ATP8A1: variants seen among roughly 807,000 people sequenced by gnomAD.
The protein encoded by ATP8A1 is phospholipid-transporting ATPase IA.
In ATP8A1, 90 loss-of-function variants were observed where a neutral mutation model predicts 177.7. The ratio of observed to expected loss-of-function variants is 0.51; its 90% CI spans 0.43 to 0.60. The LOEUF (loss-of-function observed/expected upper bound fraction) is 0.60, where lower values mean the gene tolerates loss of function less well. ATP8A1 is among the 20% of genes least tolerant of loss of function. ATP8A1 has a pLI of 0.00. For missense variants in ATP8A1, 1,072 were observed against 1,392.8 expected (o/e 0.77, Z 3.67); for synonymous variants, 493 against 485.9 (o/e 1.01, Z -0.19).
At chr4:42,467,434 C>T (rs1004743138) in intron 25 of ATP8A1, among the ~76,000 whole-genome samples, 1 of 152,176 alleles carries the variant, frequency 6.6e-6, no homozygotes, top group Non-Finnish European at 1.5e-5. Flanking sequence ...TGGCTCATGC[C>T]TGTAATTCCA....
chr4:42,443,167 A>G (rs984471900), intron 33 of ATP8A1, among the ~76,000 whole-genome samples: 1 of 152,248 alleles, frequency 6.6e-6, no homozygotes, highest in Non-Finnish European at 1.5e-5. Context: ...TCTCTGGAAT[A>G]AGAGATAACA....
chr4:42,524,853 A>G lies in ATP8A1; in HGVS notation c.1723-6T>C. On this transcript the variant is annotated splice_region_variant and splice_polypyrimidine_tract_variant and intron_variant, in intron 20 of 36. Transcript: ENST00000381668. Reference sequence around the variant, plus strand: ...CGATCATAAATTACAGTGTCCTGGAAAACAAACAGAGGGTAAAATGATTTA... The same window carrying G: ...CGATCATAAATTACAGTGTCCTGGAGAACAAACAGAGGGTAAAATGATTTA... 1 of 1,586,160 alleles carries G rather than the reference A, an allele frequency of 6.3e-7. No homozygotes were observed. Among genetic ancestry groups the G allele is most frequent in the South Asian group, 1.1e-5 (1 of 88,070 alleles).
intron 33 of ATP8A1, among the ~76,000 whole-genome samples, chr4:42,439,289 A>G (rs1277717481): frequency 2.0e-5 from 3 of 152,220 alleles, no homozygotes; most frequent in Non-Finnish European, 4.4e-5. Flanking sequence ...CTGCTTAAGT[A>G]TCACAGTGGC....
At chr4:42,555,731 G>A (rs764939649) in intron 16 of ATP8A1, among the ~76,000 whole-genome samples, 5 of 152,130 alleles carry the variant, frequency 3.3e-5, no homozygotes, top group Admixed American at 2.0e-4. Context: ...GCTGAGGCAG[G>A]AGAAATGGCT....
chr4:42,601,416 T>TG (rs1320569323), intron 5 of ATP8A1, among the ~76,000 whole-genome samples: 10 of 150,936 alleles, frequency 6.6e-5, no homozygotes, highest in Admixed American at 4.6e-4. Context: ...TAAATTATGA[T>TG]GGGGGGTAGG....
chr4:42,465,454 G>C (rs1431916204), intron 25 of ATP8A1, among the ~76,000 whole-genome samples: 1 of 152,190 alleles, frequency 6.6e-6, no homozygotes, highest in Non-Finnish European at 1.5e-5. Context: ...ATAGTAGCTG[G>C]AAAGTAAAAG....
At chr4:42,516,177 AAC>A (rs762533646) in intron 22 of ATP8A1, among the ~76,000 whole-genome samples, 2 of 152,232 alleles carry the variant, frequency 1.3e-5, no homozygotes, top group Non-Finnish European at 2.9e-5. Flanking sequence ...AAATATGATA[AAC>A]ACAGTCCCTG....
At chr4:42,462,241 A>G (rs562557135) in intron 27 of ATP8A1, among the ~76,000 whole-genome samples, 1 of 152,358 alleles carries the variant, frequency 6.6e-6, no homozygotes, top group African/African-American at 2.4e-5. Flanking sequence ...GACAACGGGG[A>G]AAATGTCTCC....
intron 33 of ATP8A1, 77 bp downstream of exon 33, chr4:42,443,488 T>G: frequency 1.5e-6 from 1 of 662,642 alleles, no homozygotes; most frequent in South Asian, 1.8e-5. Flanking sequence ...TGGAAAATTA[T>G]GCTAAACGAT....
At chr4:42,503,333 G>T in intron 24 of ATP8A1, 117 bp downstream of exon 24, 1 of 591,234 alleles carries the variant, frequency 1.7e-6, no homozygotes, top group Non-Finnish European at 2.9e-6. Flanking sequence ...CAGAACAACA[G>T]TGATAAGGTA....
intron 33 of ATP8A1, 139 bp from the exon 34 acceptor site, chr4:42,423,844 T>A (rs962981362): frequency 2.0e-6 from 1 of 490,684 alleles, no homozygotes; most frequent in Non-Finnish European, 3.7e-6. Flanking sequence ...TTCGAACTTA[T>A]GAAATTAACT....
chr4:42,444,959 C>T (rs546050659), intron 31 of ATP8A1, among the ~76,000 whole-genome samples: 1 of 152,260 alleles, frequency 6.6e-6, no homozygotes, highest in African/African-American at 2.4e-5. Context: ...ACAGCACATG[C>T]CTGGGTTAAT....
chr4:42,507,779 C>A lies in ATP8A1; in HGVS notation c.1948-625G>T, dbSNP rs78542793. ...AAGTCAGTTAAAAAGGACAGGCATT[C>A]TAAAAAAAAAAAAAAAAAAAAAAAA... is the stretch of plus-strand genomic sequence containing the variant. On this transcript the variant is annotated intron_variant, in intron 22 of 36. Transcript: ENST00000381668. 2.1e-3 allele frequency among the ~76,000 whole-genome samples: 10 copies of A among 4,778 alleles called. No homozygotes were observed. In the South Asian group the frequency reaches 0.03, roughly 14 times the overall value. The allele number at this position is 4,778 out of a possible 152,430, so 3.1% of individuals were successfully genotyped here.
At chr4:42,519,340 C>A (rs1039694104) in intron 22 of ATP8A1, among the ~76,000 whole-genome samples, 1 of 152,196 alleles carries the variant, frequency 6.6e-6, no homozygotes, top group African/African-American at 2.4e-5. Context: ...ATGATCCTCC[C>A]ACCTTGGTCT....
chr4:42,430,705 C>T (rs559135309), intron 33 of ATP8A1, among the ~76,000 whole-genome samples: 10 of 152,246 alleles, frequency 6.6e-5, no homozygotes, highest in South Asian at 2.1e-4. Flanking sequence ...ATTTAGCTCC[C>T]GCTTATAAGT....
intron 18 of ATP8A1, among the ~76,000 whole-genome samples, chr4:42,549,923 AAAT>A (rs1320053028): frequency 2.6e-5 from 4 of 152,320 alleles, no homozygotes; most frequent in South Asian, 4.1e-4. Context: ...CACAGAAACT[AAAT>A]AATAATTTTT....
intron 33 of ATP8A1, among the ~76,000 whole-genome samples, chr4:42,425,879 C>T (rs1714554947): frequency 6.6e-6 from 1 of 152,130 alleles, no homozygotes; most frequent in East Asian, 1.9e-4. Flanking sequence ...GAATTTGCCA[C>T]GAAAGTGGCT....
Position 42,581,654 on chromosome 4 carries a change from A to T in ATP8A1, c.801T>A (p.Val267=). 6.2e-7 allele frequency: 1 copy of T among 1,614,180 alleles called. No homozygotes were observed. The highest frequency in any genetic ancestry group is 1.6e-4 in the Middle Eastern group (1 of 6,062). The change falls in exon 10 of 37, where the codon GTT becomes GTA. Residue 267 remains valine (V), a synonymous_variant. Coordinates refer to ENST00000381668, the MANE Select transcript of ATP8A1 (RefSeq NM_006095.2). ...LRNTQWVHGI[V]VYTGHDTKLM... Reference sequence around the variant, plus strand: ...GCTTGGTGTCATGTCCAGTGTAGACAACTATTCCATGAACCCACTGTGTAT... The same window carrying T: ...GCTTGGTGTCATGTCCAGTGTAGACTACTATTCCATGAACCCACTGTGTAT...
chr4:42,652,778 C>T (rs1018886779), intron 1 of ATP8A1, among the ~76,000 whole-genome samples: 5 of 152,194 alleles, frequency 3.3e-5, no homozygotes, highest in Admixed American at 6.5e-5. Context: ...TTTGCCTTTG[C>T]TCCTCCTTCA....
Sources: allele counts gnomAD v4.1 joint callset (sites outside exome capture counted in the v4.1 genomes callset), GRCh38; gene constraint gnomAD v4.1.1; transcripts MANE v1.5; gene names NCBI Gene and HGNC (gene_info 2026-07-23, HGNC 2026-07-21).